NUP210L: variants seen among roughly 807,000 people sequenced by gnomAD.
NUP210L encodes the protein nuclear pore membrane glycoprotein 210-like.
In NUP210L, 74 loss-of-function variants were observed where a neutral mutation model predicts 208.5. The observed-to-expected ratio is 0.35, with a 90% CI of 0.29 to 0.43. The LOEUF is 0.43. NUP210L is among the 20% of genes least tolerant of loss of function. NUP210L has a pLI of 1.00. For missense variants in NUP210L, 1,843 were observed against 2,289.4 expected, an observed-to-expected ratio of 0.81 and a Z score of 3.98; for synonymous variants, 780 against 816.9, an observed-to-expected ratio of 0.95 and a Z score of 0.77.
chr1:154,125,514 T>C (rs1032888976), intron 10 of NUP210L, among the ~76,000 whole-genome samples: 3 of 149,754 alleles, frequency 2.0e-5, no homozygotes, highest in Non-Finnish European at 4.4e-5. Context: ...CCCAGCTACT[T>C]GGGGGGCTAA....
chr1:154,054,905 AT>A (rs3834774), intron 23 of NUP210L, 73 bp from the exon 24 acceptor site: 257,765 of 814,920 alleles, frequency 0.32, 9,814 homozygotes, highest in Admixed American at 0.39. Flanking sequence ...GGTCATTTAA[AT>A]TTTTTTTTTT....
intron 12 of NUP210L, 99 bp from the exon 13 acceptor site, chr1:154,104,309 C>A (rs1397944966): frequency 2.8e-5 from 25 of 892,144 alleles, no homozygotes; most frequent in Admixed American, 5.7e-5. Flanking sequence ...CAGTGATTGT[C>A]CTCCCTGCAG....
chr1:154,091,780 C>T lies in NUP210L; in HGVS notation c.2188-2186G>A, dbSNP rs150839027. On this transcript the variant is annotated intron_variant, in intron 15 of 39. Coordinates refer to ENST00000368559, the Ensembl canonical transcript of NUP210L. ...TCTCCCAAAGTGCTGGAATTATAGG[C>T]GTGAGCCACTGCGCCCGGCCACAAA... Among the ~76,000 whole-genome samples the T allele has an allele frequency of 2.0e-3, 297 of 151,184 alleles. 3 individuals are homozygous for T. The highest frequency in any genetic ancestry group is 6.8e-3 in the African/African-American group (280 of 41,340).
At chr1:154,139,445 A>G (rs1289425108) in intron 5 of NUP210L, among the ~76,000 whole-genome samples, 1 of 152,332 alleles carries the variant, frequency 6.6e-6, no homozygotes, top group African/African-American at 2.4e-5. Context: ...ATGACCAACT[A>G]TTGGCCCAAA....
chr1:153,999,320 A>G (rs1178209092), intron 37 of NUP210L, among the ~76,000 whole-genome samples: 1 of 152,208 alleles, frequency 6.6e-6, no homozygotes, highest in Non-Finnish European at 1.5e-5. Context: ...ATGTGGCATT[A>G]TTTCTAAACT....
intron 37 of NUP210L, among the ~76,000 whole-genome samples, chr1:153,996,213 A>G (rs1450170907): frequency 6.6e-6 from 1 of 151,994 alleles, no homozygotes; most frequent in African/African-American, 2.4e-5. Context: ...AATGGCGTGA[A>G]CCCGGGAGGC....
At chr1:154,070,565 AT>A in intron 16 of NUP210L, 100 bp from the exon 17 acceptor site, 2 of 806,236 alleles carry the variant, frequency 2.5e-6, no homozygotes, top group Non-Finnish European at 3.6e-6. Context: ...TTCTCTCAAT[AT>A]TTTTACCTTA....
intron 23 of NUP210L, among the ~76,000 whole-genome samples, chr1:154,055,785 T>C (rs1281620116): frequency 3.3e-5 from 5 of 152,134 alleles, no homozygotes; most frequent in African/African-American, 1.2e-4. Flanking sequence ...TAGCAAAAAA[T>C]TTAAAAGTAT....
intron 12 of NUP210L, among the ~76,000 whole-genome samples, chr1:154,111,052 A>T (rs950902433): frequency 2.1e-5 from 3 of 141,822 alleles, no homozygotes; most frequent in Admixed American, 7.1e-5. Context: ...TAGCCAGACT[A>T]AAAAAAAAAA....
chr1:154,052,433 G>C, intron 25 of NUP210L, among the ~76,000 whole-genome samples: 1 of 152,184 alleles, frequency 6.6e-6, no homozygotes, highest in South Asian at 2.1e-4. Flanking sequence ...CCACCTACCC[G>C]GGGACAGATC....
chr1:154,043,549 C>A (rs1653007724), intron 27 of NUP210L, among the ~76,000 whole-genome samples: 1 of 148,418 alleles, frequency 6.7e-6, no homozygotes, highest in Non-Finnish European at 1.5e-5. Context: ...CCCAAACTCC[C>A]GACCTCAGGT....
chr1:154,023,114 T>C lies in NUP210L; in HGVS notation c.4298+8A>G. 1.9e-6 allele frequency: 3 copies of C among 1,612,588 alleles called. No individual in the cohort carries two copies. The highest frequency in any genetic ancestry group is 2.5e-6 in the Non-Finnish European group (3 of 1,178,940). On this transcript the variant is annotated splice_region_variant and intron_variant, in intron 31 of 39. Coordinates refer to ENST00000368559, the Ensembl canonical transcript of NUP210L. ...ATAGTGTCAATACCATTCCTTTGAC[T>C]TCCATACCTGTTCAGAGCCAGATAA...
At chr1:154,055,175 C>CTT (rs59737573) in intron 23 of NUP210L, among the ~76,000 whole-genome samples, 12 of 81,528 alleles carry the variant, frequency 1.5e-4, no homozygotes, top group Non-Finnish European at 2.7e-4. Flanking sequence ...TTCTTTCTTT[C>CTT]TTTCTTTCTT....
At chr1:154,022,384 C>A (rs747800251) in intron 31 of NUP210L, 41 bp from the exon 32 acceptor site, 2 of 1,525,242 alleles carry the variant, frequency 1.3e-6, no homozygotes, top group Non-Finnish European at 1.8e-6. Context: ...TAAAAAGAGA[C>A]AATAGTTAGA....
chr1:154,020,633 TCTC>T (rs973977133), intron 32 of NUP210L, among the ~76,000 whole-genome samples: 1 of 151,968 alleles, frequency 6.6e-6, no homozygotes, highest in Non-Finnish European at 1.5e-5. Flanking sequence ...TTCAAGCAAT[TCTC>T]CTGCCTTGGC....
At chr1:154,108,468 T>TCAACAACACATTTTTTTTAAAA (rs1557982146) in intron 12 of NUP210L, among the ~76,000 whole-genome samples, 4 of 151,844 alleles carry the variant, frequency 2.6e-5, no homozygotes, top group African/African-American at 9.7e-5. Context: ...GCAACCAGCC[T>TCAACAACACATTTTTTTTAAAA]AGAGTTTTGA....
At chr1:153,997,481 T>TA (rs1649961265) in intron 37 of NUP210L, among the ~76,000 whole-genome samples, 1 of 150,500 alleles carries the variant, frequency 6.6e-6, no homozygotes, top group Admixed American at 6.6e-5. Flanking sequence ...TTTTTTTTTT[T>TA]TTTCCTGAAA....
intron 35 of NUP210L, among the ~76,000 whole-genome samples, chr1:154,003,849 T>C (rs1231285351): frequency 6.6e-6 from 1 of 152,172 alleles, no homozygotes; most frequent in African/African-American, 2.4e-5. Flanking sequence ...TCTTGCTTAC[T>C]CCTTCTCTGA....
intron 35 of NUP210L, among the ~76,000 whole-genome samples, chr1:154,008,864 T>C (rs1650729329): frequency 1.3e-5 from 2 of 152,182 alleles, no homozygotes; most frequent in African/African-American, 4.8e-5. Flanking sequence ...CTGCCTGATC[T>C]AGCATTAGAG....
Sources: allele counts gnomAD v4.1 joint callset (sites outside exome capture counted in the v4.1 genomes callset), GRCh38; gene constraint gnomAD v4.1.1; transcripts MANE v1.5; gene names NCBI Gene and HGNC (gene_info 2026-07-23, HGNC 2026-07-21).